The following UBE2U variants were observed in gnomAD, a reference collection of about 807,000 sequenced individuals.
UBE2U encodes the protein ubiquitin-conjugating enzyme E2 U.
UBE2U carries 39 observed loss-of-function variants against 41.2 expected under a neutral mutation model. The observed-to-expected ratio is 0.95, with a 90% CI of 0.73 to 1.24. The LOEUF is 1.24. UBE2U is among the 50% of genes most tolerant of loss of function. The pLI is 0.00. For synonymous variants in UBE2U, 107 were observed against 117.8 expected, an observed-to-expected ratio of 0.91 and a Z score of 0.60; for missense variants, 336 against 363.1, an observed-to-expected ratio of 0.93 and a Z score of 0.61.
chr1:64,234,478 A>G (rs1462992706), intron 7 of UBE2U, among the ~76,000 whole-genome samples: 1 of 152,164 alleles, frequency 6.6e-6, no homozygotes, highest in Non-Finnish European at 1.5e-5. Flanking sequence ...ATAGTTTCCT[A>G]TAGTGAAAAA....
At position 64,203,814 on chromosome 1, in the gene UBE2U, T is replaced by G; in HGVS notation, c.-237T>G. On this transcript the variant is annotated 5_prime_UTR_variant, in exon 1 of 10. It removes an upstream start codon present in the reference 5' UTR. Transcript: ENST00000371077. ...CGGCACTGCAGTGAAACGCCGCAGA[T>G]GAGGAAGTGCCCAAGTCTTCCTTCG... The G allele has an allele frequency of 2.5e-6, 1 of 402,572 alleles. No individual in the cohort carries two copies. The highest frequency in any genetic ancestry group is 4.5e-6 in the Non-Finnish European group (1 of 224,714). The allele number at this position is 402,572 out of a possible 1,614,324, so 24.9% of individuals were successfully genotyped here.
Position 64,267,025 on chromosome 1 carries a change from T to C in UBE2U, c.771T>C (p.Asn257=), listed in dbSNP as rs200178478. ...MEEIKLCPTL[N]EIFLESPTAI... ...TATTTTTTATAATTCCCACCACAGA[T>C]GAAATTTTTCTTGAGTCACCAACTG... The change falls in exon 10 of 10, where the codon AAT becomes AAC. Residue 257 remains asparagine (N), a splice_region_variant and synonymous_variant. Transcript: ENST00000371077. The C allele has an allele frequency of 2.3e-4, 354 of 1,547,234 alleles. No homozygotes were observed. Among genetic ancestry groups the C allele is most frequent in the Non-Finnish European group, 3.0e-4 (343 of 1,146,254 alleles).
At chr1:64,249,625 A>G (rs1644975644) in intron 8 of UBE2U, among the ~76,000 whole-genome samples, 1 of 151,852 alleles carries the variant, frequency 6.6e-6, no homozygotes, top group Non-Finnish European at 1.5e-5. Context: ...AAATAAATCA[A>G]ATATTTAAAA....
intron 1 of UBE2U, among the ~76,000 whole-genome samples, chr1:64,205,371 C>A (rs1651229150): frequency 6.6e-6 from 1 of 152,154 alleles, no homozygotes; most frequent in African/African-American, 2.4e-5. Context: ...ATATAAGCCA[C>A]ACATTCTAAT....
At chr1:64,234,903 A>G (rs1644637505) in intron 7 of UBE2U, among the ~76,000 whole-genome samples, 1 of 152,138 alleles carries the variant, frequency 6.6e-6, no homozygotes, top group African/African-American at 2.4e-5. Context: ...GAGAGACATT[A>G]ATTGGCACAC....
At chr1:64,265,446 C>A (rs1557755034) in intron 9 of UBE2U, among the ~76,000 whole-genome samples, 1 of 152,110 alleles carries the variant, frequency 6.6e-6, no homozygotes, top group African/African-American at 2.4e-5. Context: ...AAGGCACAGA[C>A]AGAATTTAGT....
intron 8 of UBE2U, among the ~76,000 whole-genome samples, chr1:64,242,276 A>G (rs985708593): frequency 2.0e-5 from 3 of 152,114 alleles, no homozygotes; most frequent in Admixed American, 6.6e-5. Context: ...CCTTAATCTC[A>G]TCTTTGGTCT....
intron 8 of UBE2U, among the ~76,000 whole-genome samples, chr1:64,250,630 A>G (rs1644991630): frequency 6.6e-6 from 1 of 152,138 alleles, no homozygotes; most frequent in African/African-American, 2.4e-5. Flanking sequence ...TTAGTGTGGC[A>G]CTATTCACAA....
chr1:64,223,092 G>A (rs947622805), intron 6 of UBE2U, among the ~76,000 whole-genome samples: 2 of 152,264 alleles, frequency 1.3e-5, no homozygotes, highest in African/African-American at 4.8e-5. Context: ...AGAATGTACT[G>A]TAGTCATCCA....
chr1:64,265,743 TA>T (rs1645245463), intron 9 of UBE2U, among the ~76,000 whole-genome samples: 2 of 152,128 alleles, frequency 1.3e-5, no homozygotes, highest in South Asian at 4.1e-4. Flanking sequence ...CACACCCGGC[TA>T]ATTTTTGTAT....
At chr1:64,208,712 A>T (rs1651472339) in intron 3 of UBE2U, among the ~76,000 whole-genome samples, 1 of 151,434 alleles carries the variant, frequency 6.6e-6, no homozygotes, top group Non-Finnish European at 1.5e-5. Context: ...CTCCATTAAC[A>T]CAGGAATTTT....
intron 6 of UBE2U, 66 bp downstream of exon 6, chr1:64,220,973 T>TAC: frequency 9.4e-7 from 1 of 1,064,918 alleles, no homozygotes; most frequent in Non-Finnish European, 1.4e-6. Flanking sequence ...TTAAACTCTT[T>TAC]ATGTTTTTCA....
At chr1:64,248,117 A>G (rs951979524) in intron 8 of UBE2U, among the ~76,000 whole-genome samples, 2 of 152,170 alleles carry the variant, frequency 1.3e-5, no homozygotes, top group Non-Finnish European at 2.9e-5. Flanking sequence ...TCACAAATAC[A>G]TATGATTTTT....
chr1:64,267,000 T>C (rs1645264340), intron 9 of UBE2U, 24 bp from the exon 10 acceptor site: 4 of 1,531,896 alleles, frequency 2.6e-6, no homozygotes, highest in Non-Finnish European at 3.5e-6. Flanking sequence ...ATTAAATTTC[T>C]ATTTTTTATA....
At chr1:64,210,718 T>C (rs1447294475) in intron 3 of UBE2U, 24 bp from the exon 4 acceptor site, 1 of 1,344,642 alleles carries the variant, frequency 7.4e-7, no homozygotes, top group East Asian at 2.6e-5. Flanking sequence ...TAAATGCAAA[T>C]ATTAATGTAT....
At chr1:64,264,609 C>CA (rs1412138043) in intron 9 of UBE2U, among the ~76,000 whole-genome samples, 1 of 152,156 alleles carries the variant, frequency 6.6e-6, no homozygotes, top group Non-Finnish European at 1.5e-5. Context: ...TCCACGCCAG[C>CA]AACTCACGTC....
chr1:64,237,630 C>T (rs1644694464), intron 7 of UBE2U, among the ~76,000 whole-genome samples: 1 of 152,046 alleles, frequency 6.6e-6, no homozygotes, highest in South Asian at 2.1e-4. Flanking sequence ...ACACATTGTG[C>T]TAAGCTCTTC....
intron 7 of UBE2U, among the ~76,000 whole-genome samples, chr1:64,239,875 G>T (rs191293318): frequency 6.6e-6 from 1 of 152,046 alleles, no homozygotes; most frequent in Non-Finnish European, 1.5e-5. Flanking sequence ...ATCCTTTGGG[G>T]TATACACCCA....
At position 64,204,077 on chromosome 1, in the gene UBE2U, G is replaced by T; in HGVS notation, c.27G>T (p.Leu9=). ...TGCACGGCAGAGCTTACCTCTTGCTGCACAGAGACTTCTGTGATCTCAAGG... is the reference window on the plus strand; with the variant it reads ...TGCACGGCAGAGCTTACCTCTTGCTTCACAGAGACTTCTGTGATCTCAAGG... The part of the protein sequence containing the change: MHGRAYLL[L]HRDFCDLKEN... Residue 9 remains leucine, a synonymous_variant, in exon 1 of 10, where the codon CTG becomes CTT. Transcript: ENST00000371077. The T allele has an allele frequency of 3.1e-6, 5 of 1,613,798 alleles. No individual in the cohort carries two copies. Among genetic ancestry groups the T allele is most frequent in the Non-Finnish European group, 4.2e-6 (5 of 1,179,818 alleles).
Sources: allele counts gnomAD v4.1 joint callset (sites outside exome capture counted in the v4.1 genomes callset), GRCh38; gene constraint gnomAD v4.1.1; transcripts MANE v1.5; gene names NCBI Gene and HGNC (gene_info 2026-07-23, HGNC 2026-07-21).